LYRM4: variants seen among roughly 807,000 people sequenced by gnomAD.
LYRM4 encodes LYR motif containing 4.
Under a neutral mutation model 11.7 loss-of-function variants are expected in LYRM4, and 9 were observed. The observed-to-expected ratio is 0.77, with a 90% CI of 0.46 to 1.34. The LOEUF (loss-of-function observed/expected upper bound fraction) is 1.34, where lower values mean the gene tolerates loss of function less well. LYRM4 is among the 40% of genes most tolerant of loss of function. LYRM4 has a pLI of 0.00. For synonymous variants in LYRM4, 42 were observed against 40.4 expected, an observed-to-expected ratio of 1.04 and a Z score of -0.15; for missense variants, 133 against 112.5, an observed-to-expected ratio of 1.18 and a Z score of -0.82.
chr6:5,087,697 C>A, the LYRM4 span: 707 of 152,426 alleles, frequency 4.6e-3, 2 homozygotes, highest in Non-Finnish European at 7.9e-3. Flanking sequence ...GGAGGCATGC[C>A]CAGCGAGTCA....
At position 5,230,624 on chromosome 6, in the gene LYRM4, G is replaced by A. The variant is rs1056869724; in HGVS notation, c.87-13886C>T. Among the ~76,000 whole-genome samples, 5 of 152,140 alleles carry A rather than the reference G, an allele frequency of 3.3e-5. No homozygotes were observed. In the East Asian group the frequency reaches 9.6e-4, roughly 29 times the overall value. ...AATTTATGGAGAATAACTACCTATG[G>A]TAGATCAATTAATTCTAGATTTTCC... On this transcript the variant is annotated intron_variant, in intron 1 of 2. Coordinates refer to ENST00000330636, the MANE Select transcript of LYRM4 (RefSeq NM_020408.6).
intron 2 of LYRM4, among the ~76,000 whole-genome samples, chr6:5,129,092 C>T (rs1763825024): frequency 6.6e-6 from 1 of 152,248 alleles, no homozygotes; most frequent in Admixed American, 6.5e-5. Flanking sequence ...CCCAGCTATG[C>T]TTCCAGGCCA....
chr6:5,152,167 A>G (rs749139975), intron 2 of LYRM4, among the ~76,000 whole-genome samples: 5 of 152,208 alleles, frequency 3.3e-5, no homozygotes, highest in African/African-American at 4.8e-5. Context: ...ACTTCATTCT[A>G]TAGATGAGGA....
In LYRM4 at chr6:5,235,648, A is replaced by G. The variant is rs192342974; in HGVS notation, c.87-18910T>C. ...ATTCAACATTTGCTGTATCAGGCAT[A>G]AGGTATTTAAACACATCATTACAAT... On this transcript the variant is annotated intron_variant, in intron 1 of 2. Transcript: ENST00000330636. 5.9e-5 allele frequency among the ~76,000 whole-genome samples: 9 copies of G among 152,342 alleles called. No homozygotes were observed. The East Asian group carries it at 1.7e-3, about 29-fold the overall frequency.
the LYRM4 span, among the ~76,000 whole-genome samples, chr6:5,076,517 T>G: frequency 6.6e-6 from 1 of 152,222 alleles, no homozygotes. Flanking sequence ...CACTCTGTGC[T>G]GCGAGCAGCA....
chr6:5,153,156 C>T (rs1194428326), intron 2 of LYRM4, among the ~76,000 whole-genome samples: 3 of 152,062 alleles, frequency 2.0e-5, no homozygotes, highest in Non-Finnish European at 2.9e-5. Flanking sequence ...GGAGTGCAGT[C>T]GTGTGATCTC....
At chr6:5,245,107 AAAAAAAATATATATAT>A (rs1764098164) in intron 1 of LYRM4, among the ~76,000 whole-genome samples, 8 of 49,692 alleles carry the variant, frequency 1.6e-4, no homozygotes, top group African/African-American at 2.6e-4. Context: ...AAAAAAAAAA[AAAAAAAATATATATAT>A]ATATATATAT....
intron 2 of LYRM4, among the ~76,000 whole-genome samples, chr6:5,123,153 C>T (rs1763538230): frequency 6.6e-6 from 1 of 152,214 alleles, no homozygotes; most frequent in Admixed American, 6.5e-5. Context: ...CGCCTTGAGC[C>T]ACAGGGCCTG....
At chr6:5,117,077 G>C (rs1371100511) in intron 2 of LYRM4, among the ~76,000 whole-genome samples, 1 of 152,146 alleles carries the variant, frequency 6.6e-6, no homozygotes, top group Non-Finnish European at 1.5e-5. Flanking sequence ...GTTGTTATGG[G>C]AATCAAACAA....
the LYRM4 span, among the ~76,000 whole-genome samples, chr6:5,077,331 G>A: frequency 6.6e-6 from 1 of 152,198 alleles, no homozygotes; most frequent in Non-Finnish European, 1.5e-5. Flanking sequence ...GCCTCACGTA[G>A]AAAAAGTGGG....
intron 1 of LYRM4, among the ~76,000 whole-genome samples, chr6:5,247,173 AC>A (rs145363477): frequency 0.021 from 3,247 of 152,238 alleles, 101 homozygotes; most frequent in African/African-American, 0.073. Flanking sequence ...TTGGGAATTT[AC>A]CTCAAGTTTC....
intron 2 of LYRM4, among the ~76,000 whole-genome samples, chr6:5,207,599 C>G (rs1175856793): frequency 6.6e-6 from 1 of 152,180 alleles, no homozygotes; most frequent in East Asian, 1.9e-4. Flanking sequence ...CAAAAAGTTT[C>G]CACTTAAGGG....
chr6:5,060,147 CAT>C, the LYRM4 span, among the ~76,000 whole-genome samples: 62 of 152,358 alleles, frequency 4.1e-4, no homozygotes, highest in East Asian at 0.011. Flanking sequence ...CAGTGAAATA[CAT>C]ATGTACACAC....
intron 2 of LYRM4, among the ~76,000 whole-genome samples, chr6:5,116,864 C>CG (rs1763140481): frequency 6.6e-6 from 1 of 152,164 alleles, no homozygotes; most frequent in African/African-American, 2.4e-5. Flanking sequence ...TCAGAAAATA[C>CG]AATTGGGCAC....
In LYRM4 at chr6:5,260,814, G is replaced by T; in HGVS notation, c.-81C>A. ...CAACCCACGAAACTCCAGCCTGTGC[G>T]GAAACCACGAACGAAATAAAATGCT... On this transcript the variant is annotated 5_prime_UTR_variant, in exon 1 of 3. Transcript: ENST00000330636. 1 of 1,527,758 alleles carries T rather than the reference G, an allele frequency of 6.5e-7. No homozygotes were observed. Among genetic ancestry groups the T allele is most frequent in the Non-Finnish European group, 8.7e-7 (1 of 1,143,790 alleles). 94.6% of individuals were successfully genotyped at this position (1,527,758 alleles called of 1,614,324 possible). A position where few individuals can be genotyped will look rare whatever the true frequency, so the allele number is the denominator to read the frequency against.
At chr6:5,064,370 A>C in the LYRM4 span, among the ~76,000 whole-genome samples, 3 of 152,110 alleles carry the variant, frequency 2.0e-5, no homozygotes, top group Non-Finnish European at 4.4e-5. Flanking sequence ...AATAATTAAT[A>C]TGTTTTATTT....
At chr6:5,113,307 C>G (rs1015207688) in intron 2 of LYRM4, 5 of 448,886 alleles carry the variant, frequency 1.1e-5, no homozygotes, top group Non-Finnish European at 2.2e-5. Flanking sequence ...CGCCAATAAT[C>G]CCAGCTACTC....
the LYRM4 span, among the ~76,000 whole-genome samples, chr6:5,072,763 G>A: frequency 2.6e-5 from 4 of 151,876 alleles, no homozygotes; most frequent in African/African-American, 9.7e-5. Flanking sequence ...TTGTTTGTTT[G>A]TTTTTATAAG....
At chr6:5,137,769 C>T (rs1757177199) in intron 2 of LYRM4, among the ~76,000 whole-genome samples, 1 of 152,176 alleles carries the variant, frequency 6.6e-6, no homozygotes, top group African/African-American at 2.4e-5. Flanking sequence ...AGGATTCCTG[C>T]TCTTTTGTAG....
Sources: gnomAD v4.1 joint callset for allele counts (sites outside exome capture counted in the v4.1 genomes callset) on GRCh38, gnomAD v4.1.1 for gene constraint, MANE v1.5 for transcripts, NCBI Gene and HGNC (gene_info 2026-07-23, HGNC 2026-07-21) for gene names.